UST: variants seen among roughly 807,000 people sequenced by gnomAD.
UST encodes the protein uronyl 2-sulfotransferase, also known as chondroitin sulfate 2-O-sulfotransferase.
UST carries 21 observed loss-of-function variants against 45.6 expected under a neutral mutation model. The ratio of observed to expected loss-of-function variants is 0.46; its 90% CI spans 0.33 to 0.66. The LOEUF (loss-of-function observed/expected upper bound fraction) is 0.66. UST is among the 30% of genes least tolerant of loss of function. UST has a pLI of 0.02. For synonymous variants in UST, 215 were observed against 200.6 expected (o/e 1.07, Z -0.61); for missense variants, 463 against 512.4 (o/e 0.90, Z 0.93).
At chr6:148,882,950 T>A (rs534570342) in intron 1 of UST, among the ~76,000 whole-genome samples, 37 of 152,252 alleles carry the variant, frequency 2.4e-4, no homozygotes, top group Non-Finnish European at 4.8e-4. Flanking sequence ...GATGCGAGAA[T>A]GCCTAATGAG....
At chr6:148,905,225 T>A (rs1779333122) in intron 2 of UST, among the ~76,000 whole-genome samples, 1 of 152,162 alleles carries the variant, frequency 6.6e-6, no homozygotes, top group Non-Finnish European at 1.5e-5. Flanking sequence ...TCTGAGTCAT[T>A]ACTTCTCTCT....
intron 1 of UST, among the ~76,000 whole-genome samples, chr6:148,819,326 A>AT (rs1204075460): frequency 6.6e-6 from 1 of 152,212 alleles, no homozygotes; most frequent in Non-Finnish European, 1.5e-5. Context: ...ATGCTTTCTC[A>AT]TTACTCAGTA....
intron 1 of UST, among the ~76,000 whole-genome samples, chr6:148,885,512 C>T (rs577834594): frequency 6.6e-6 from 1 of 152,270 alleles, no homozygotes; most frequent in African/African-American, 2.4e-5. Context: ...ATCATGTTCA[C>T]ATTTAAAAGG....
intron 2 of UST, among the ~76,000 whole-genome samples, chr6:148,916,955 A>C (rs949356991): frequency 2.0e-5 from 3 of 152,172 alleles, no homozygotes; most frequent in Non-Finnish European, 2.9e-5. Flanking sequence ...CCAATCCCTC[A>C]AGCCCTCCTT....
At chr6:148,867,589 G>A (rs895810215) in intron 1 of UST, among the ~76,000 whole-genome samples, 15 of 152,088 alleles carry the variant, frequency 9.9e-5, no homozygotes, top group South Asian at 2.1e-4. Flanking sequence ...TACTGTTCTC[G>A]TGGTAGTGAA....
At chr6:149,016,353 C>T (rs9390652) in intron 5 of UST, among the ~76,000 whole-genome samples, 48,586 of 152,118 alleles carry the variant, frequency 0.32, 8,605 homozygotes, top group Non-Finnish European at 0.4. Flanking sequence ...CACCAGCCAG[C>T]TGATGCCCTC....
At chr6:148,896,241 AG>A (rs1779126839) in intron 2 of UST, among the ~76,000 whole-genome samples, 1 of 152,236 alleles carries the variant, frequency 6.6e-6, no homozygotes, top group South Asian at 2.1e-4. Flanking sequence ...TAGATTTCAG[AG>A]AAAAATGAAT....
chr6:149,002,290 T>C (rs1781565341), intron 5 of UST, among the ~76,000 whole-genome samples: 1 of 152,016 alleles, frequency 6.6e-6, no homozygotes, highest in Admixed American at 6.6e-5. Flanking sequence ...AAAAAAAGAA[T>C]AGCAAATTTT....
intron 1 of UST, among the ~76,000 whole-genome samples, chr6:148,772,766 A>T (rs1776457202): frequency 6.6e-6 from 1 of 152,068 alleles, no homozygotes; most frequent in Non-Finnish European, 1.5e-5. Flanking sequence ...AAGACATGAG[A>T]TCTGGGCCAG....
chr6:148,941,134 A>C, intron 2 of UST, 145 bp from the exon 3 acceptor site: 2 of 888,668 alleles, frequency 2.3e-6, no homozygotes, highest in South Asian at 3.2e-5. Context: ...TGATGAACTG[A>C]TATACATCCT....
At chr6:148,959,850 A>C (rs7746457) in intron 4 of UST, among the ~76,000 whole-genome samples, 2 of 150,132 alleles carry the variant, frequency 1.3e-5, no homozygotes, top group Non-Finnish European at 2.9e-5. Context: ...TGGTGGGCGG[A>C]GGGGAGTCTA....
rs1041945749 is a variant in UST, at chr6:148,879,859, C to G, written c.248-7127C>G. Among the ~76,000 whole-genome samples the G allele has an allele frequency of 9.2e-5, 14 of 152,096 alleles. No individual in the cohort carries two copies. The East Asian group carries it at 2.7e-3, about 29-fold the overall frequency. ...TACAGCAGTGTATTCAGAGTGAAAT[C>G]ATGTTTCATGGGGCATTCTCTACTA... On this transcript the variant is annotated intron_variant, in intron 1 of 7. Transcript: ENST00000367463.
rs1776890557 is a variant in UST at position 149,076,379 on chromosome 6, A to G, written c.*2263A>G. ...GTGTTTTCTCTGCTCTTGTCAGAAC[A>G]TTGGGACAATTGGTCGTTCAAAAAC... On this transcript the variant is annotated 3_prime_UTR_variant, in exon 8 of 8. Coordinates refer to ENST00000367463, the MANE Select transcript of UST (RefSeq NM_005715.3). The G allele has an allele frequency of 6.6e-6, 1 of 152,246 alleles. No homozygotes were observed. The highest frequency in any genetic ancestry group is 2.1e-4 in the South Asian group (1 of 4,836). 9.4% of individuals were successfully genotyped at this position (152,246 alleles called of 1,614,324 possible).
chr6:148,826,888 C>T (rs532633707), intron 1 of UST, among the ~76,000 whole-genome samples: 2 of 152,162 alleles, frequency 1.3e-5, no homozygotes, highest in Non-Finnish European at 2.9e-5. Flanking sequence ...ATCTTACTGA[C>T]CCTGCTCCCA....
chr6:148,880,910 T>A lies in UST; in HGVS notation c.248-6076T>A, dbSNP rs151114537. ...TGGGTGTGGTGGTGGGCGCCTGTAATCCCAGCTACTCAGGAGGCTGAGGCA... is the reference window on the plus strand; with the variant it reads ...TGGGTGTGGTGGTGGGCGCCTGTAAACCCAGCTACTCAGGAGGCTGAGGCA... On this transcript the variant is annotated intron_variant, in intron 1 of 7. Coordinates refer to ENST00000367463, the MANE Select transcript of UST (RefSeq NM_005715.3). Among the ~76,000 whole-genome samples, 114 of 151,670 alleles carry A rather than the reference T, an allele frequency of 7.5e-4. 2 individuals are homozygous for A. The East Asian group carries it at 0.021, about 28-fold the overall frequency.
At chr6:148,826,113 CTGTTT>C (rs1425849531) in intron 1 of UST, among the ~76,000 whole-genome samples, 1 of 151,980 alleles carries the variant, frequency 6.6e-6, no homozygotes, top group South Asian at 2.1e-4. Context: ...TAAGAGCATC[CTGTTT>C]TGTTTTGTTT....
intron 1 of UST, among the ~76,000 whole-genome samples, chr6:148,808,344 A>T (rs1271117742): frequency 6.6e-6 from 1 of 152,054 alleles, no homozygotes; most frequent in African/African-American, 2.4e-5. Flanking sequence ...TCCTTCCTTT[A>T]CTTTTCTTAA....
chr6:148,967,237 A>G (rs1040711538), intron 5 of UST, among the ~76,000 whole-genome samples: 6 of 152,022 alleles, frequency 3.9e-5, no homozygotes, highest in Non-Finnish European at 5.9e-5. Flanking sequence ...GGAAGGGTCT[A>G]TGTCAGATGA....
intron 2 of UST, among the ~76,000 whole-genome samples, chr6:148,910,378 G>A (rs536890091): frequency 1.3e-5 from 2 of 152,198 alleles, no homozygotes; most frequent in South Asian, 2.1e-4. Context: ...GACCTCAGGT[G>A]ATCCGCCCGC....
Sources: gnomAD v4.1 joint callset for allele counts (sites outside exome capture counted in the v4.1 genomes callset) on GRCh38, gnomAD v4.1.1 for gene constraint, MANE v1.5 for transcripts, NCBI Gene and HGNC (gene_info 2026-07-23, HGNC 2026-07-21) for gene names.